Variants in IGSF11 observed in about 807,000 individuals in gnomAD.
IGSF11 encodes CXADR like 1.
In IGSF11, 22 loss-of-function variants were observed where a neutral mutation model predicts 41.0. The observed-to-expected ratio is 0.54, with a 90% CI of 0.38 to 0.77. IGSF11 has a LOEUF of 0.77. Ranked by LOEUF, IGSF11 falls within the 30% of genes least tolerant of loss-of-function variation. The pLI is 0.00. For synonymous variants in IGSF11, 219 were observed against 201.3 expected (o/e 1.09, Z -0.74); for missense variants, 444 against 530.8 (o/e 0.84, Z 1.61).
chr3:119,123,658 CAG>C (rs151000923), intron 1 of IGSF11, among the ~76,000 whole-genome samples: 24 of 149,998 alleles, frequency 1.6e-4, no homozygotes, highest in Admixed American at 2.0e-4. Flanking sequence ...AAGCTCAGCA[CAG>C]AGAGAGAGAG....
At chr3:118,998,078 T>C (rs968286548) in intron 1 of IGSF11, among the ~76,000 whole-genome samples, 1 of 152,144 alleles carries the variant, frequency 6.6e-6, no homozygotes, top group East Asian at 1.9e-4. Context: ...TTTAAGTCAA[T>C]ATATAAAATA....
chr3:118,912,555 C>T (rs1029969231), intron 4 of IGSF11, among the ~76,000 whole-genome samples: 1 of 152,150 alleles, frequency 6.6e-6, no homozygotes, highest in African/African-American at 2.4e-5. Context: ...TTGCTCATCC[C>T]TTCATCTTCC....
intron 1 of IGSF11, among the ~76,000 whole-genome samples, chr3:119,065,813 A>G (rs1559847152): frequency 6.6e-6 from 1 of 151,532 alleles, no homozygotes; most frequent in African/African-American, 2.4e-5. Flanking sequence ...AAAAAAAAAA[A>G]AGCAAGAAAG....
chr3:119,002,205 C>T (rs1285800307), intron 1 of IGSF11, among the ~76,000 whole-genome samples: 3 of 135,388 alleles, frequency 2.2e-5, no homozygotes, highest in African/African-American at 6.1e-5. Flanking sequence ...TTTTGATTTG[C>T]ATTTCTCTGA....
chr3:119,016,773 C>T (rs1419072596), intron 1 of IGSF11, among the ~76,000 whole-genome samples: 1 of 152,168 alleles, frequency 6.6e-6, no homozygotes, highest in Non-Finnish European at 1.5e-5. Flanking sequence ...CCTCCCTCCC[C>T]AGTCTTGTGT....
chr3:119,043,880 A>T (rs1941215282), intron 1 of IGSF11, among the ~76,000 whole-genome samples: 2 of 152,296 alleles, frequency 1.3e-5, no homozygotes, highest in East Asian at 3.9e-4. Context: ...CATCCAAAGG[A>T]TCACCTCATG....
intron 1 of IGSF11, among the ~76,000 whole-genome samples, chr3:119,048,531 A>G (rs1425800616): frequency 2.0e-5 from 3 of 152,170 alleles, no homozygotes; most frequent in South Asian, 2.1e-4. Context: ...AAAGAGTCCA[A>G]GACCAGATGG....
intron 1 of IGSF11, among the ~76,000 whole-genome samples, chr3:119,125,955 T>C (rs1332177092): frequency 6.6e-6 from 1 of 152,210 alleles, no homozygotes; most frequent in African/African-American, 2.4e-5. Context: ...ATCCCAGTCC[T>C]GGAATGCGTG....
At chr3:119,128,453 A>G (rs952491851) in intron 1 of IGSF11, among the ~76,000 whole-genome samples, 4 of 152,232 alleles carry the variant, frequency 2.6e-5, no homozygotes, top group African/African-American at 7.2e-5. Context: ...TAAAAGACAC[A>G]GACTGGCAAA....
intron 1 of IGSF11, among the ~76,000 whole-genome samples, chr3:119,110,311 T>C (rs994003500): frequency 1.5e-4 from 23 of 151,982 alleles, no homozygotes; most frequent in African/African-American, 5.1e-4. Context: ...TAGTTAGCTC[T>C]TCTTGTTGAA....
intron 1 of IGSF11, among the ~76,000 whole-genome samples, chr3:119,062,685 T>G (rs1942091499): frequency 6.6e-6 from 1 of 152,206 alleles, no homozygotes; most frequent in Non-Finnish European, 1.5e-5. Context: ...AACTAAAGCT[T>G]AGCTATTGAT....
intron 1 of IGSF11, among the ~76,000 whole-genome samples, chr3:118,993,019 A>C (rs1430891489): frequency 6.6e-6 from 1 of 152,184 alleles, no homozygotes. Context: ...TGAAGCCAAG[A>C]GTTCAAGACC....
Position 119,079,865 on chromosome 3 carries a change from G to T in IGSF11, c.49+25279C>A, listed in dbSNP as rs150517281. 7.7e-3 allele frequency among the ~76,000 whole-genome samples: 1,169 copies of T among 152,242 alleles called. 18 individuals carry two copies. The highest frequency in any genetic ancestry group is 0.026 in the African/African-American group (1,067 of 41,528). ...TAGGGACACAAAACAGGGAACAAAAGACACCAGGGCCTACCTAAGAGTGGA... is the reference window on the plus strand; with the variant it reads ...TAGGGACACAAAACAGGGAACAAAATACACCAGGGCCTACCTAAGAGTGGA... On this transcript the variant is annotated intron_variant, in intron 1 of 6. Coordinates refer to the IGSF11 transcript ENST00000354673.
At chr3:119,133,979 A>G (rs2077520321) in intron 1 of IGSF11, among the ~76,000 whole-genome samples, 1 of 152,220 alleles carries the variant, frequency 6.6e-6, no homozygotes, top group Non-Finnish European at 1.5e-5. Context: ...GATTATCTCA[A>G]CAGATGCAGA....
At chr3:119,008,967 C>A (rs1264330645) in intron 1 of IGSF11, among the ~76,000 whole-genome samples, 1 of 152,186 alleles carries the variant, frequency 6.6e-6, no homozygotes, top group African/African-American at 2.4e-5. Context: ...CCTTCAGAGT[C>A]AAACTAGGAT....
chr3:119,011,957 G>GTT (rs1553711943), intron 1 of IGSF11, among the ~76,000 whole-genome samples: 1 of 152,088 alleles, frequency 6.6e-6, no homozygotes, highest in Non-Finnish European at 1.5e-5. Flanking sequence ...GTGTGTGTGT[G>GTT]TGTGTGTGTG....
At chr3:118,910,943 T>C (rs1432166670) in intron 4 of IGSF11, among the ~76,000 whole-genome samples, 3 of 152,170 alleles carry the variant, frequency 2.0e-5, no homozygotes, top group Non-Finnish European at 4.4e-5. Context: ...TTAAATTTTA[T>C]AGCACTGCAT....
At chr3:119,031,698 T>C (rs763510017) in intron 1 of IGSF11, among the ~76,000 whole-genome samples, 7 of 152,270 alleles carry the variant, frequency 4.6e-5, no homozygotes, top group Non-Finnish European at 7.3e-5. Context: ...TTAGGCTTAG[T>C]ATCTCTGAAA....
chr3:118,917,117 G>GGGAAATTT (rs1401562939), intron 4 of IGSF11, among the ~76,000 whole-genome samples: 1 of 151,614 alleles, frequency 6.6e-6, no homozygotes, highest in Non-Finnish European at 1.5e-5. Context: ...AGTGTGTAGA[G>GGGAAATTT]GGAAATTTAT....
Sources: allele counts gnomAD v4.1 joint callset (sites outside exome capture counted in the v4.1 genomes callset), GRCh38; gene constraint gnomAD v4.1.1; transcripts MANE v1.5; gene names NCBI Gene and HGNC (gene_info 2026-07-23, HGNC 2026-07-21).